TXNDC8: variants seen among roughly 807,000 people sequenced by gnomAD.
The protein encoded by TXNDC8 is thioredoxin domain containing 8, also known as thioredoxin domain-containing protein 8.
In TXNDC8, 15 loss-of-function variants were observed where a neutral mutation model predicts 12.9. That is an observed-to-expected ratio of 1.16 (90% CI 0.78 to 1.79). The LOEUF is 1.79. Ranked by LOEUF, TXNDC8 falls within the 40% of genes most tolerant of loss-of-function variation. The probability of loss-of-function intolerance (pLI) is 0.00; values close to 1 mark genes in which losing one functional copy is unlikely to be tolerated. For synonymous variants in TXNDC8, 40 were observed against 35.4 expected (o/e 1.13, Z -0.46); for missense variants, 128 against 113.2 (o/e 1.13, Z -0.59).
intron 4 of TXNDC8, 42 bp downstream of exon 5, chr9:110,304,425 A>C: frequency 6.4e-7 from 1 of 1,551,984 alleles, no homozygotes; most frequent in Non-Finnish European, 8.8e-7. Context: ...CTTCAAAGTA[A>C]ACCCCAGATT....
chr9:110,323,919 C>A, intron 3 of TXNDC8: 1 of 1,550,988 alleles, frequency 6.4e-7, no homozygotes, highest in East Asian at 2.4e-5. Flanking sequence ...TCTGGTTTGA[C>A]TTGGATTGGC....
intron 4 of TXNDC8, among the ~76,000 whole-genome samples, 187 bp downstream of exon 5, chr9:110,304,280 T>A (rs1838341139): frequency 6.6e-6 from 1 of 152,184 alleles, no homozygotes; most frequent in Admixed American, 6.6e-5. Flanking sequence ...GTGTTAGGAC[T>A]TTGGGGCAGG....
chr9:110,326,977 T>TACACACACACACAC (rs1293270860), intron 2 of TXNDC8, among the ~76,000 whole-genome samples: 1 of 45,112 alleles, frequency 2.2e-5, no homozygotes, highest in Non-Finnish European at 5.9e-5. Context: ...CACACACACG[T>TACACACACACACAC]GAAGACATAC....
rs115283719 is a variant in TXNDC8, at chr9:110,326,340, C to T, written c.130-100G>A. The T allele has an allele frequency of 8.7e-4, 997 of 1,145,622 alleles. 5 individuals carry two copies. In the African/African-American group the frequency reaches 0.013, roughly 15 times the overall value. 71.0% of individuals were successfully genotyped at this position (1,145,622 alleles called of 1,614,324 possible). A position where few individuals can be genotyped will look rare whatever the true frequency, so the allele number is the denominator to read the frequency against. ...CTTTTTAGGAGGCGTGTCTGAAATT[C>T]CAAGGACACCTGACACTTTACAGAC... On this transcript the variant is annotated intron_variant, in intron 2 of 4. Transcript: ENST00000423740.
At chr9:110,304,401 CATT>C in intron 4 of TXNDC8, 63 bp downstream of exon 5, 10 of 1,436,760 alleles carry the variant, frequency 7.0e-6, no homozygotes, top group Non-Finnish European at 8.7e-6. Flanking sequence ...CTGAGTGTGT[CATT>C]ATATTTATTC....
intron 3 of TXNDC8, among the ~76,000 whole-genome samples, chr9:110,316,199 A>G (rs1838880880): frequency 6.6e-6 from 1 of 152,042 alleles, no homozygotes; most frequent in Non-Finnish European, 1.5e-5. Flanking sequence ...TACAGGTGTG[A>G]GCCACTGTGC....
intron 3 of TXNDC8, chr9:110,323,898 C>T: frequency 6.4e-7 from 1 of 1,550,860 alleles, no homozygotes; most frequent in South Asian, 1.2e-5. Flanking sequence ...AAGCAAAGTC[C>T]TGAAATTAGC....
chr9:110,303,830 T>C, intron 4 of TXNDC8: 1 of 763,542 alleles, frequency 1.3e-6, no homozygotes, highest in South Asian at 2.0e-5. Flanking sequence ...AATATACCTT[T>C]AATCTAAGAT....
At chr9:110,334,891 G>T (rs968511493) in intron 1 of TXNDC8, among the ~76,000 whole-genome samples, 55 of 128,014 alleles carry the variant, frequency 4.3e-4, no homozygotes, top group Admixed American at 2.8e-3. Context: ...CTTGTTTTTT[G>T]GGGGGGAAGT....
chr9:110,305,713 TTTTC>T (rs199630241), intron 3 of TXNDC8, among the ~76,000 whole-genome samples: 1,790 of 143,734 alleles, frequency 0.012, 65 homozygotes, highest in African/African-American at 0.042. Flanking sequence ...CTTTCCTTCT[TTTTC>T]TTTCTTTCTT....
intron 2 of TXNDC8, 22 bp downstream of exon 2, chr9:110,334,194 G>C: frequency 6.4e-7 from 1 of 1,560,638 alleles, no homozygotes; most frequent in Non-Finnish European, 8.8e-7. Flanking sequence ...GAAACTATGA[G>C]ATATATACTG....
At position 110,337,827 on chromosome 9, in the gene TXNDC8, C is replaced by T; in HGVS notation, c.-31G>A. The T allele has an allele frequency of 6.2e-7, 1 of 1,612,120 alleles. No individual in the cohort carries two copies. The highest frequency in any genetic ancestry group is 1.1e-5 in the South Asian group (1 of 90,892). ...CACCAGGGAAGTGCTGATGAAAATC[C>T]CCTGTTGGTTTAGTTGGATCACTGT... On this transcript the variant is annotated 5_prime_UTR_variant, in exon 1 of 5. Coordinates refer to ENST00000423740, the MANE Select transcript of TXNDC8 (RefSeq NM_001286946.2).
intron 2 of TXNDC8, among the ~76,000 whole-genome samples, chr9:110,331,243 G>T (rs1393775499): frequency 6.6e-6 from 1 of 152,164 alleles, no homozygotes; most frequent in Non-Finnish European, 1.5e-5. Flanking sequence ...AGCAGTGGTG[G>T]CAGCCAGACT....
intron 3 of TXNDC8, among the ~76,000 whole-genome samples, chr9:110,311,521 GTATATATATATATATATATATA>G (rs66474968): frequency 7.3e-4 from 30 of 41,246 alleles, no homozygotes; most frequent in East Asian, 3.7e-3. Flanking sequence ...AAATAAAGAG[GTATATATATATATATATATATA>G]TATATATATA....
intron 3 of TXNDC8, chr9:110,322,504 G>T: frequency 1.9e-5 from 19 of 985,404 alleles, no homozygotes; most frequent in Non-Finnish European, 2.2e-5. Flanking sequence ...CCAGCTTATT[G>T]AGGGCACTTC....
At chr9:110,315,648 A>C (rs1041677459) in intron 3 of TXNDC8, among the ~76,000 whole-genome samples, 2 of 151,968 alleles carry the variant, frequency 1.3e-5, no homozygotes, top group African/African-American at 4.8e-5. Flanking sequence ...CTGGGACTAC[A>C]GAATCCTGCT....
In TXNDC8 at chr9:110,303,514, G is replaced by C; in HGVS notation, c.*168C>G. The C allele has an allele frequency of 6.6e-7, 1 of 1,524,710 alleles. No individual in the cohort carries two copies. The highest frequency in any genetic ancestry group is 8.9e-7 in the Non-Finnish European group (1 of 1,129,470). 94.4% of individuals were successfully genotyped at this position (1,524,710 alleles called of 1,614,324 possible). On this transcript the variant is annotated 3_prime_UTR_variant, in exon 5 of 5. Transcript: ENST00000423740. Reference sequence around the variant, plus strand: ...TGTCACAAGTGTATTTTGCCTTGGAGATCAGCTTACATTAATTCTTGAGTC... The same window carrying C: ...TGTCACAAGTGTATTTTGCCTTGGACATCAGCTTACATTAATTCTTGAGTC...
intron 3 of TXNDC8, among the ~76,000 whole-genome samples, chr9:110,312,494 A>G (rs1336839561): frequency 6.6e-6 from 1 of 152,200 alleles, no homozygotes; most frequent in Non-Finnish European, 1.5e-5. Flanking sequence ...AAAGAATGTC[A>G]CTTTCTGACA....
chr9:110,315,693 T>G (rs1838860260), intron 3 of TXNDC8, among the ~76,000 whole-genome samples: 1 of 151,652 alleles, frequency 6.6e-6, no homozygotes, highest in South Asian at 2.1e-4. Context: ...TTTTTTTTTT[T>G]GTAGAGATAG....
Sources: allele counts gnomAD v4.1 joint callset (sites outside exome capture counted in the v4.1 genomes callset), GRCh38; gene constraint gnomAD v4.1.1; transcripts MANE v1.5; gene names NCBI Gene and HGNC (gene_info 2026-07-23, HGNC 2026-07-21).